The following DPP6 variants were observed in gnomAD, a reference collection of about 807,000 sequenced individuals.
The protein encoded by DPP6 is A-type potassium channel modulatory protein DPP6.
DPP6 carries 69 observed loss-of-function variants against 122.6 expected under a neutral mutation model. The observed-to-expected ratio is 0.56, with a 90% CI of 0.46 to 0.69. DPP6 has a LOEUF of 0.69. DPP6 is among the 30% of genes least tolerant of loss of function. The pLI, the probability that DPP6 is intolerant of heterozygous loss-of-function variation, is 0.00. For synonymous variants in DPP6, 418 were observed against 433.1 expected (o/e 0.97, Z 0.43); for missense variants, 928 against 1,116.9 (o/e 0.83, Z 2.41).
chr7:154,313,685 G>GTGTGTGTGTATATATATA, intron 1 of DPP6, among the ~76,000 whole-genome samples: 23 of 20,474 alleles, frequency 1.1e-3, no homozygotes, highest in African/African-American at 2.9e-3. Flanking sequence ...TTAAGATATG[G>GTGTGTGTGTATATATATA]TATATATATA....
chr7:154,278,446 G>GT lies in DPP6; in HGVS notation c.244-167767dup, dbSNP rs144064976. Reference sequence around the variant, plus strand: ...GAACTATGGAACTCCAGCTGCTGCTGTAACTGCATCTTGACGATGCAAAAT... The same window carrying GT: ...GAACTATGGAACTCCAGCTGCTGCTGTTAACTGCATCTTGACGATGCAAAAT... On this transcript the variant is annotated intron_variant, in intron 1 of 25. Coordinates refer to ENST00000377770, the MANE Select transcript of DPP6 (RefSeq NM_130797.4). 2.6e-4 allele frequency among the ~76,000 whole-genome samples: 39 copies of GT among 152,346 alleles called. No individual in the cohort carries two copies. In the East Asian group the frequency reaches 7.1e-3, roughly 28 times the overall value.
chr7:154,673,627 T>C (rs1838704512), intron 7 of DPP6, among the ~76,000 whole-genome samples: 1 of 152,170 alleles, frequency 6.6e-6, no homozygotes, highest in African/African-American at 2.4e-5. Context: ...TTCCAAACGT[T>C]TGCTGAGGAC....
chr7:153,810,682 CTCTCTCTCT>C, the DPP6 span, among the ~76,000 whole-genome samples: 1,902 of 141,970 alleles, frequency 0.013, 23 homozygotes, highest in East Asian at 0.044. Context: ...CTCTCTCTCT[CTCTCTCTCT>C]CTCTCTCTCT....
intron 1 of DPP6, among the ~76,000 whole-genome samples, chr7:153,952,408 A>G (rs1360223829): frequency 1.3e-5 from 2 of 152,248 alleles, no homozygotes; most frequent in Non-Finnish European, 2.9e-5. Context: ...TACATCACTT[A>G]TATCACTAGG....
chr7:154,063,477 C>G (rs1170049238), intron 1 of DPP6, among the ~76,000 whole-genome samples: 2 of 130,550 alleles, frequency 1.5e-5, no homozygotes, highest in African/African-American at 2.8e-5. Context: ...GGACTGAGAG[C>G]CATTCCCTCT....
chr7:153,893,394 C>T (rs74547805), intron 1 of DPP6, among the ~76,000 whole-genome samples: 231 of 152,306 alleles, frequency 1.5e-3, no homozygotes, highest in African/African-American at 5.2e-3. Flanking sequence ...AGTATTCATT[C>T]GTCCCCATGG....
intron 1 of DPP6, among the ~76,000 whole-genome samples, chr7:154,411,478 C>T (rs1280839819): frequency 1.3e-5 from 2 of 152,166 alleles, no homozygotes; most frequent in East Asian, 3.9e-4. Flanking sequence ...TAGGTTTAAG[C>T]AGTCTGCCCT....
chr7:154,830,983 T>C (rs1800584257), intron 16 of DPP6, among the ~76,000 whole-genome samples: 1 of 152,196 alleles, frequency 6.6e-6, no homozygotes. Context: ...GTGAACCTTC[T>C]CCAGGATTCT....
the DPP6 span, among the ~76,000 whole-genome samples, chr7:153,755,822 T>C: frequency 1.3e-5 from 2 of 152,202 alleles, no homozygotes; most frequent in African/African-American, 4.8e-5. Context: ...TTATTGACCT[T>C]CACTCAGTCT....
intron 1 of DPP6, among the ~76,000 whole-genome samples, chr7:154,276,747 G>A (rs774153580): frequency 4.6e-5 from 7 of 152,190 alleles, no homozygotes; most frequent in Non-Finnish European, 7.3e-5. Context: ...GGAAATGTAA[G>A]GTTAGGTTCC....
At chr7:154,305,407 C>T (rs568811293) in intron 1 of DPP6, 10 of 1,221,108 alleles carry the variant, frequency 8.2e-6, no homozygotes. Flanking sequence ...AATCACACTC[C>T]TCCTTACCTT....
chr7:154,400,250 G>A (rs898288487), intron 1 of DPP6, among the ~76,000 whole-genome samples: 1 of 152,210 alleles, frequency 6.6e-6, no homozygotes, highest in Non-Finnish European at 1.5e-5. Flanking sequence ...AGAGAGGTAG[G>A]TTTGCTGGCT....
chr7:153,808,586 G>A, the DPP6 span, among the ~76,000 whole-genome samples: 7 of 151,988 alleles, frequency 4.6e-5, no homozygotes, highest in East Asian at 3.9e-4. Flanking sequence ...AAGATCACCC[G>A]TCCTCAACTA....
chr7:154,015,933 T>G (rs1798384686), intron 1 of DPP6, among the ~76,000 whole-genome samples: 1 of 152,166 alleles, frequency 6.6e-6, no homozygotes, highest in Non-Finnish European at 1.5e-5. Context: ...CGAAGCTCCT[T>G]ACTGACCTCT....
the DPP6 span, among the ~76,000 whole-genome samples, chr7:153,839,439 T>G: frequency 9.8e-5 from 15 of 152,286 alleles, no homozygotes; most frequent in East Asian, 2.9e-3. Flanking sequence ...ATGCAGAATG[T>G]TGGGTTCAGC....
intron 1 of DPP6, among the ~76,000 whole-genome samples, chr7:154,431,763 G>A (rs181103456): frequency 6.6e-6 from 1 of 152,094 alleles, no homozygotes; most frequent in East Asian, 1.9e-4. Context: ...TCAAACTCCT[G>A]ACCTCGTGAT....
At chr7:153,939,216 A>T (rs1469188820) in intron 1 of DPP6, among the ~76,000 whole-genome samples, 1 of 152,248 alleles carries the variant, frequency 6.6e-6, no homozygotes, top group Non-Finnish European at 1.5e-5. Flanking sequence ...TACAGTACAA[A>T]TTCGTTATTA....
intron 1 of DPP6, among the ~76,000 whole-genome samples, chr7:154,324,835 TTTTC>T (rs1322653849): frequency 2.0e-5 from 3 of 151,386 alleles, no homozygotes; most frequent in East Asian, 2.0e-4. Flanking sequence ...CTCCATTTTC[TTTTC>T]TTTCTTTCTT....
rs542938585 is a variant in DPP6 at position 154,676,005 on chromosome 7, A to G, written c.762+6564A>G. 3.9e-5 allele frequency among the ~76,000 whole-genome samples: 6 copies of G among 152,372 alleles called. No homozygotes were observed. In the South Asian group the frequency reaches 8.3e-4, roughly 21 times the overall value. On this transcript the variant is annotated intron_variant, in intron 7 of 25. Transcript: ENST00000377770. The stretch of plus-strand genomic sequence containing the variant: ...GCTTGATACAGGGCCCATGAGGCCA[A>G]TCCAGCTCTGAGAAAAACTTCTCTC...
Sources: allele counts gnomAD v4.1 joint callset (sites outside exome capture counted in the v4.1 genomes callset), GRCh38; gene constraint gnomAD v4.1.1; transcripts MANE v1.5; gene names NCBI Gene and HGNC (gene_info 2026-07-23, HGNC 2026-07-21).